The following WWOX variants were observed in gnomAD, a reference collection of about 807,000 sequenced individuals.
The protein encoded by WWOX is WW domain containing oxidoreductase, also known as WW domain-containing oxidoreductase.
Under a neutral mutation model 46.2 loss-of-function variants are expected in WWOX, and 69 were observed. That is an observed-to-expected ratio of 1.49 (90% CI 1.23 to 1.82). The LOEUF (loss-of-function observed/expected upper bound fraction) is 1.82. WWOX is among the 40% of genes most tolerant of loss of function. The pLI, the probability that WWOX is intolerant of heterozygous loss-of-function variation, is 0.00. For synonymous variants in WWOX, 359 were observed against 202.6 expected (o/e 1.77, Z -6.56); for missense variants, 919 against 542.6 (o/e 1.69, Z -6.89).
At chr16:78,917,962 G>A (rs2045290672) in intron 8 of WWOX, among the ~76,000 whole-genome samples, 1 of 152,118 alleles carries the variant, frequency 6.6e-6, no homozygotes. Context: ...AGCACTTTGG[G>A]AAGTTGAGGC....
intron 8 of WWOX, among the ~76,000 whole-genome samples, chr16:78,707,384 G>T (rs2048348046): frequency 6.6e-6 from 1 of 152,302 alleles, no homozygotes; most frequent in Admixed American, 6.5e-5. Flanking sequence ...GTCCTTGTCT[G>T]TGCCACCTCA....
At chr16:78,881,512 AG>A (rs1378035770) in intron 8 of WWOX, among the ~76,000 whole-genome samples, 2 of 152,208 alleles carry the variant, frequency 1.3e-5, no homozygotes, top group East Asian at 1.9e-4. Flanking sequence ...ACAATTTCGG[AG>A]GGCCAACTAT....
At chr16:78,512,441 G>C (rs11150083) in intron 8 of WWOX, among the ~76,000 whole-genome samples, 113,955 of 152,106 alleles carry the variant, frequency 0.75, 43,296 homozygotes, top group East Asian at 0.87. Flanking sequence ...AAAATGTGTT[G>C]AGTAGAATTA....
chr16:78,466,328 G>T (rs1021334402), intron 8 of WWOX, among the ~76,000 whole-genome samples: 1 of 152,114 alleles, frequency 6.6e-6, no homozygotes, highest in Non-Finnish European at 1.5e-5. Flanking sequence ...ATTGCACCCG[G>T]CTATTGGGTA....
Position 78,957,993 on chromosome 16 carries a change from T to C in WWOX, c.1057-253615T>C, listed in dbSNP as rs1320542229. On this transcript the variant is annotated intron_variant, in intron 8 of 8. Transcript: ENST00000566780. ...GCCCTCTCACTTTCGTTTTATTTAA[T>C]GCGTTTCTACATTTTCCCAAGGCCA... Among the ~76,000 whole-genome samples, 5 of 152,220 alleles carry C rather than the reference T, an allele frequency of 3.3e-5. No homozygotes were observed. In the East Asian group the frequency reaches 9.6e-4, roughly 29 times the overall value.
intron 8 of WWOX, among the ~76,000 whole-genome samples, chr16:78,548,486 T>C (rs778516065): frequency 3.3e-5 from 5 of 152,204 alleles, no homozygotes; most frequent in Non-Finnish European, 7.3e-5. Context: ...TTTTTTTAAG[T>C]AAGGTTTATT....
intron 8 of WWOX, among the ~76,000 whole-genome samples, chr16:78,874,462 T>C (rs563396296): frequency 1.3e-4 from 20 of 152,114 alleles, no homozygotes; most frequent in Non-Finnish European, 2.5e-4. Flanking sequence ...ACTGGGTCGA[T>C]TTCAAAAAAT....
chr16:78,823,637 G>C (rs902050368), intron 8 of WWOX, among the ~76,000 whole-genome samples: 1 of 152,182 alleles, frequency 6.6e-6, no homozygotes, highest in East Asian at 1.9e-4. Flanking sequence ...ACTGGTGTCA[G>C]GGAGTTTATA....
intron 8 of WWOX, among the ~76,000 whole-genome samples, chr16:78,524,428 A>G (rs2941953): frequency 0.71 from 104,862 of 147,810 alleles, 38,334 homozygotes; most frequent in East Asian, 0.79. Flanking sequence ...TTATTTATTT[A>G]TTTGTTTGTT....
At chr16:78,972,942 C>G (rs528395134) in intron 8 of WWOX, among the ~76,000 whole-genome samples, 2 of 152,158 alleles carry the variant, frequency 1.3e-5, no homozygotes, top group Admixed American at 1.3e-4. Context: ...GAGTAATTGA[C>G]AAAAACTGCA....
intron 8 of WWOX, among the ~76,000 whole-genome samples, chr16:78,999,453 G>C (rs938340676): frequency 2.0e-5 from 3 of 152,102 alleles, no homozygotes; most frequent in Non-Finnish European, 4.4e-5. Context: ...CTGGGCAGCA[G>C]GAGCGAAACT....
intron 8 of WWOX, among the ~76,000 whole-genome samples, chr16:78,516,971 A>G (rs1211697970): frequency 4.6e-5 from 7 of 152,180 alleles, no homozygotes; most frequent in African/African-American, 1.7e-4. Context: ...TTCCCGAGAA[A>G]TCATTTTTCC....
intron 5 of WWOX, among the ~76,000 whole-genome samples, chr16:78,242,709 TAA>T (rs926378528): frequency 2.0e-5 from 3 of 152,070 alleles, no homozygotes; most frequent in Non-Finnish European, 2.9e-5. Context: ...GCAGAAAGAA[TAA>T]GAGATATGAA....
chr16:78,258,430 G>A (rs1405301135), intron 5 of WWOX, among the ~76,000 whole-genome samples: 2 of 152,112 alleles, frequency 1.3e-5, no homozygotes, highest in Admixed American at 6.6e-5. Flanking sequence ...AATGCCTTCA[G>A]CGATGATCTT....
intron 8 of WWOX, among the ~76,000 whole-genome samples, chr16:78,523,040 C>T (rs879572337): frequency 8.9e-4 from 135 of 152,144 alleles, no homozygotes; most frequent in African/African-American, 3.2e-3. Flanking sequence ...CCACTGCCCT[C>T]CAGTCTGGGT....
intron 8 of WWOX, among the ~76,000 whole-genome samples, chr16:78,587,172 G>T (rs2045227860): frequency 6.9e-6 from 1 of 145,104 alleles, no homozygotes; most frequent in South Asian, 2.2e-4. Flanking sequence ...ACCACAAGCA[G>T]ATGCCACCAT....
intron 6 of WWOX, among the ~76,000 whole-genome samples, chr16:78,387,529 A>G (rs1366761980): frequency 6.6e-6 from 1 of 152,062 alleles, no homozygotes; most frequent in Non-Finnish European, 1.5e-5. Context: ...TGATCCTATC[A>G]TATGCTAGCA....
At chr16:78,356,499 C>G (rs1193965939) in intron 5 of WWOX, among the ~76,000 whole-genome samples, 2 of 152,080 alleles carry the variant, frequency 1.3e-5, no homozygotes, top group Admixed American at 6.6e-5. Context: ...AGTCGCCTAC[C>G]CTAGACCTCA....
chr16:78,183,785 G>T (rs1350860515), intron 5 of WWOX, among the ~76,000 whole-genome samples: 1 of 152,124 alleles, frequency 6.6e-6, no homozygotes, highest in South Asian at 2.1e-4. Context: ...CGAGGGACTG[G>T]CCTCCTCAGT....
Sources: allele counts gnomAD v4.1 joint callset (sites outside exome capture counted in the v4.1 genomes callset), GRCh38; gene constraint gnomAD v4.1.1; transcripts MANE v1.5; gene names NCBI Gene and HGNC (gene_info 2026-07-23, HGNC 2026-07-21).